Variants in ROBO1 observed in about 807,000 individuals in gnomAD.
The protein encoded by ROBO1 is roundabout homolog 1.
Under a neutral mutation model 195.9 loss-of-function variants are expected in ROBO1, and 149 were observed. The ratio of observed to expected loss-of-function variants is 0.76; its 90% CI spans 0.67 to 0.87. ROBO1 has a LOEUF of 0.87. Among genes scored for constraint, ROBO1 ranks in the 40% least tolerant of loss-of-function variants. The pLI, the probability that ROBO1 is intolerant of heterozygous loss-of-function variation, is 0.00. For missense variants in ROBO1, 1,933 were observed against 2,068.3 expected (o/e 0.93, Z 1.27); for synonymous variants, 816 against 733.2 (o/e 1.11, Z -1.82).
chr3:79,128,156 A>G (rs1203498366), intron 2 of ROBO1, among the ~76,000 whole-genome samples: 1 of 152,186 alleles, frequency 6.6e-6, no homozygotes, highest in Non-Finnish European at 1.5e-5. Context: ...ACTAGAAGAT[A>G]GCAAGGAAGA....
intron 4 of ROBO1, among the ~76,000 whole-genome samples, chr3:78,915,976 T>G (rs935240692): frequency 6.6e-6 from 1 of 152,022 alleles, no homozygotes; most frequent in Non-Finnish European, 1.5e-5. Flanking sequence ...TCTGGGCCAG[T>G]CGCGGTGGCT....
chr3:79,395,148 C>T (rs1197978016), intron 2 of ROBO1, among the ~76,000 whole-genome samples: 1 of 151,538 alleles, frequency 6.6e-6, no homozygotes, highest in African/African-American at 2.4e-5. Flanking sequence ...ATGGTGCAAC[C>T]CCGTCTCCAC....
intron 1 of ROBO1, among the ~76,000 whole-genome samples, chr3:79,648,158 A>G (rs1208744049): frequency 1.3e-5 from 2 of 152,130 alleles, no homozygotes; most frequent in African/African-American, 4.8e-5. Context: ...GGGCTAACCC[A>G]CAGTGAACTG....
At chr3:79,698,229 A>T (rs1187439555) in intron 1 of ROBO1, among the ~76,000 whole-genome samples, 1 of 151,520 alleles carries the variant, frequency 6.6e-6, no homozygotes, top group African/African-American at 2.4e-5. Context: ...CATACAGTAC[A>T]ACTATAACTA....
chr3:79,487,786 A>C (rs1281294928), intron 2 of ROBO1, among the ~76,000 whole-genome samples: 3 of 152,186 alleles, frequency 2.0e-5, no homozygotes, highest in African/African-American at 7.2e-5. Flanking sequence ...ATGAGGTCAA[A>C]AATTATTTTA....
At chr3:79,503,061 C>G (rs576106959) in intron 2 of ROBO1, among the ~76,000 whole-genome samples, 2 of 152,162 alleles carry the variant, frequency 1.3e-5, no homozygotes, top group Non-Finnish European at 2.9e-5. Context: ...TCTTTCCACA[C>G]TGTGAAAGCT....
At chr3:79,687,934 G>A (rs1426978221) in intron 1 of ROBO1, among the ~76,000 whole-genome samples, 1 of 151,932 alleles carries the variant, frequency 6.6e-6, no homozygotes, top group Admixed American at 6.6e-5. Context: ...TGTTTCTTGT[G>A]GCACTATTCA....
intron 2 of ROBO1, among the ~76,000 whole-genome samples, chr3:79,129,370 A>G (rs1422974292): frequency 6.6e-6 from 1 of 152,126 alleles, no homozygotes; most frequent in African/African-American, 2.4e-5. Flanking sequence ...TAAACTTACA[A>G]TATATAAGGT....
chr3:79,267,316 C>A (rs1387854179), intron 2 of ROBO1, among the ~76,000 whole-genome samples: 2 of 151,520 alleles, frequency 1.3e-5, no homozygotes, highest in Non-Finnish European at 3.0e-5. Context: ...GCTGTCTGAA[C>A]TAATCTTGCC....
chr3:79,445,295 A>C (rs996577548), intron 2 of ROBO1, among the ~76,000 whole-genome samples: 3 of 151,816 alleles, frequency 2.0e-5, no homozygotes, highest in African/African-American at 7.3e-5. Context: ...CAGTCTCATT[A>C]TTTAACCCCA....
Position 79,163,027 on chromosome 3 carries a change from CAT to C in ROBO1, c.89-37490_89-37489del, listed in dbSNP as rs1282773619. On this transcript the variant is annotated intron_variant, in intron 2 of 30. Coordinates refer to ENST00000464233, the MANE Select transcript of ROBO1 (RefSeq NM_002941.4). ...TTTTTACTATGGTAAACACACATAA[CAT>C]AAAATTTACCATCTTACCCATTTTT... 2.0e-5 allele frequency among the ~76,000 whole-genome samples: 3 copies of C among 152,170 alleles called. No homozygotes were observed. In the East Asian group the frequency reaches 5.8e-4, roughly 29 times the overall value.
intron 3 of ROBO1, among the ~76,000 whole-genome samples, chr3:79,098,536 C>A (rs2079613481): frequency 6.6e-6 from 1 of 151,744 alleles, no homozygotes; most frequent in African/African-American, 2.4e-5. Flanking sequence ...ATGGTTCTGG[C>A]CTATGCCTGT....
At chr3:79,368,111 ATAG>A (rs2036043240) in intron 2 of ROBO1, among the ~76,000 whole-genome samples, 2 of 151,836 alleles carry the variant, frequency 1.3e-5, no homozygotes, top group Admixed American at 1.3e-4. Context: ...CTGGCTAATT[ATAG>A]TAGAGACAGG....
chr3:79,015,369 C>A (rs1279132803), intron 3 of ROBO1, among the ~76,000 whole-genome samples: 6 of 148,816 alleles, frequency 4.0e-5, no homozygotes, highest in Non-Finnish European at 8.9e-5. Context: ...CCAAGAGAAA[C>A]CCTCCCCCAC....
At chr3:78,738,223 G>T (rs965332479) in intron 5 of ROBO1, among the ~76,000 whole-genome samples, 1 of 152,084 alleles carries the variant, frequency 6.6e-6, no homozygotes, top group Non-Finnish European at 1.5e-5. Context: ...ATTTGGATGG[G>T]ATGTGAGTCA....
At chr3:79,038,220 C>G (rs1331007890) in intron 3 of ROBO1, among the ~76,000 whole-genome samples, 1 of 152,130 alleles carries the variant, frequency 6.6e-6, no homozygotes, top group Non-Finnish European at 1.5e-5. Context: ...AGAACTGAAA[C>G]AAGAACACAT....
At chr3:79,428,843 CTA>C (rs1335349327) in intron 2 of ROBO1, among the ~76,000 whole-genome samples, 2 of 151,148 alleles carry the variant, frequency 1.3e-5, no homozygotes, top group Non-Finnish European at 2.9e-5. Context: ...TTCAAATACT[CTA>C]TGTTAAGTGA....
chr3:79,367,667 C>T (rs2036029403), intron 2 of ROBO1, among the ~76,000 whole-genome samples: 1 of 152,118 alleles, frequency 6.6e-6, no homozygotes, highest in African/African-American at 2.4e-5. Context: ...TAGTACCTCC[C>T]TATTATCAGT....
At chr3:79,574,914 G>A (rs1943400747) in intron 2 of ROBO1, among the ~76,000 whole-genome samples, 1 of 150,898 alleles carries the variant, frequency 6.6e-6, no homozygotes, top group Admixed American at 6.6e-5. Context: ...TTTTAAAACA[G>A]ACAAAATAAA....
Sources: allele counts gnomAD v4.1 joint callset (sites outside exome capture counted in the v4.1 genomes callset), GRCh38; gene constraint gnomAD v4.1.1; transcripts MANE v1.5; gene names NCBI Gene and HGNC (gene_info 2026-07-23, HGNC 2026-07-21).